EIF4G3: variants seen among roughly 807,000 people sequenced by gnomAD.
EIF4G3 encodes eIF-4-gamma 3.
Under a neutral mutation model 186.4 loss-of-function variants are expected in EIF4G3, and 34 were observed. The observed-to-expected ratio is 0.18, with a 90% CI of 0.14 to 0.24. The LOEUF (loss-of-function observed/expected upper bound fraction) is 0.24. Among genes scored for constraint, EIF4G3 ranks in the 10% least tolerant of loss-of-function variants. The probability of loss-of-function intolerance (pLI) is 1.00; values close to 1 mark genes in which losing one functional copy is unlikely to be tolerated. For synonymous variants in EIF4G3, 673 were observed against 679.5 expected, an observed-to-expected ratio of 0.99 and a Z score of 0.15; for missense variants, 1,536 against 1,948.5, an observed-to-expected ratio of 0.79 and a Z score of 3.99.
intron 29 of EIF4G3, among the ~76,000 whole-genome samples, chr1:20,849,046 C>CAAA (rs60344352): frequency 0.019 from 328 of 17,378 alleles, 45 homozygotes; most frequent in African/African-American, 0.035. Context: ...GACTCTGTCT[C>CAAA]AAAAAAAAAA....
chr1:20,835,523 A>G (rs2066483116), intron 30 of EIF4G3, among the ~76,000 whole-genome samples: 1 of 152,196 alleles, frequency 6.6e-6, no homozygotes, highest in Non-Finnish European at 1.5e-5. Context: ...AAAATAAGAA[A>G]TGAAAGAGGA....
intron 2 of EIF4G3, among the ~76,000 whole-genome samples, chr1:21,170,533 T>A (rs1252943793): frequency 6.6e-6 from 1 of 151,454 alleles, no homozygotes; most frequent in Non-Finnish European, 1.5e-5. Flanking sequence ...TAGATGGGTG[T>A]GATGGCGCGC....
chr1:21,008,437 A>G (rs1328839217), intron 4 of EIF4G3, among the ~76,000 whole-genome samples: 2 of 152,116 alleles, frequency 1.3e-5, no homozygotes, highest in Non-Finnish European at 2.9e-5. Flanking sequence ...CCTGGGTCCA[A>G]GCAATTCTCC....
At chr1:20,819,585 C>CA (rs943809562) in intron 33 of EIF4G3, among the ~76,000 whole-genome samples, 46 of 152,128 alleles carry the variant, frequency 3.0e-4, no homozygotes, top group Middle Eastern at 3.4e-3. Context: ...AATGCAGGAA[C>CA]AAAAAACCAA....
intron 2 of EIF4G3, among the ~76,000 whole-genome samples, chr1:21,127,409 T>G (rs182737943): frequency 6.6e-6 from 1 of 152,336 alleles, no homozygotes; most frequent in Non-Finnish European, 1.5e-5. Flanking sequence ...TACACAGCAC[T>G]TATCACCATC....
At chr1:20,836,083 G>A (rs942715396) in intron 30 of EIF4G3, among the ~76,000 whole-genome samples, 1 of 152,044 alleles carries the variant, frequency 6.6e-6, no homozygotes, top group Admixed American at 6.6e-5. Flanking sequence ...GATCAGTATG[G>A]CAATCCTCCT....
At chr1:20,951,774 A>G (rs1245963286) in intron 12 of EIF4G3, among the ~76,000 whole-genome samples, 1 of 152,098 alleles carries the variant, frequency 6.6e-6, no homozygotes, top group African/African-American at 2.4e-5. Flanking sequence ...GGTAAGTGCT[A>G]AAAGTAGGTC....
At chr1:20,881,896 C>G (rs982188539) in intron 19 of EIF4G3, among the ~76,000 whole-genome samples, 12 of 152,246 alleles carry the variant, frequency 7.9e-5, no homozygotes, top group African/African-American at 2.9e-4. Flanking sequence ...GGTGCAGTGG[C>G]TCATGCCTAT....
At chr1:21,045,898 T>C (rs1485141891) in intron 4 of EIF4G3, among the ~76,000 whole-genome samples, 1 of 152,134 alleles carries the variant, frequency 6.6e-6, no homozygotes, top group Non-Finnish European at 1.5e-5. Flanking sequence ...CAAGTTAGTG[T>C]CCAAAACCCA....
intron 18 of EIF4G3, among the ~76,000 whole-genome samples, chr1:20,889,233 CAAAGA>C (rs887180120): frequency 1.3e-5 from 2 of 152,026 alleles, no homozygotes; most frequent in Admixed American, 1.3e-4. Context: ...CTTGGATAAC[CAAAGA>C]AAAGAGAATC....
chr1:21,158,010 T>C (rs148361507), intron 2 of EIF4G3, among the ~76,000 whole-genome samples: 4 of 152,280 alleles, frequency 2.6e-5, no homozygotes, highest in East Asian at 3.9e-4. Flanking sequence ...CCGAAGGCTA[T>C]TTGACCAACT....
chr1:21,023,261 C>T (rs184145842), intron 4 of EIF4G3, among the ~76,000 whole-genome samples: 37 of 116,056 alleles, frequency 3.2e-4, no homozygotes, highest in East Asian at 2.2e-3. Context: ...CCCCCCTCCC[C>T]CTCCCTCTCC....
At chr1:20,852,272 G>T (rs2073569444) in intron 27 of EIF4G3, among the ~76,000 whole-genome samples, 1 of 152,076 alleles carries the variant, frequency 6.6e-6, no homozygotes, top group Admixed American at 6.5e-5. Flanking sequence ...AAACTGCTGG[G>T]ATTACAGGCG....
chr1:20,971,958 T>TA (rs2075981984), intron 11 of EIF4G3, among the ~76,000 whole-genome samples: 2 of 152,126 alleles, frequency 1.3e-5, no homozygotes, highest in Non-Finnish European at 2.9e-5. Context: ...TTTATTAAGT[T>TA]AGAGTAATTC....
At chr1:21,093,454 G>C (rs1480713504) in intron 2 of EIF4G3, among the ~76,000 whole-genome samples, 2 of 151,980 alleles carry the variant, frequency 1.3e-5, no homozygotes, top group Non-Finnish European at 2.9e-5. Flanking sequence ...GGAAATAACA[G>C]GTGCTGGAGA....
intron 2 of EIF4G3, among the ~76,000 whole-genome samples, chr1:21,136,422 CAGG>C (rs1474755742): frequency 6.6e-6 from 1 of 151,804 alleles, no homozygotes; most frequent in Non-Finnish European, 1.5e-5. Context: ...GAGGCTGAGG[CAGG>C]AGAATTGCTT....
At chr1:21,118,844 T>C (rs1287403028) in intron 2 of EIF4G3, among the ~76,000 whole-genome samples, 1 of 142,900 alleles carries the variant, frequency 7.0e-6, no homozygotes, top group Non-Finnish European at 1.5e-5. Flanking sequence ...CACATGCCTA[T>C]AGTTCCAGCT....
chr1:21,081,760 G>A (rs918127619), intron 3 of EIF4G3, among the ~76,000 whole-genome samples: 4 of 149,856 alleles, frequency 2.7e-5, no homozygotes, highest in Non-Finnish European at 4.4e-5. Context: ...TCATGTCTCA[G>A]CCTCCCAAGT....
chr1:21,054,092 G>A (rs1264018598), intron 3 of EIF4G3, among the ~76,000 whole-genome samples: 1 of 152,106 alleles, frequency 6.6e-6, no homozygotes, highest in African/African-American at 2.4e-5. Flanking sequence ...GAAAGAGGTA[G>A]ACATGGGAGA....
Sources: allele counts gnomAD v4.1 joint callset (sites outside exome capture counted in the v4.1 genomes callset), GRCh38; gene constraint gnomAD v4.1.1; transcripts MANE v1.5; gene names NCBI Gene and HGNC (gene_info 2026-07-23, HGNC 2026-07-21).